TSPAN8: variants seen among roughly 807,000 people sequenced by gnomAD.
TSPAN8 encodes tetraspanin-8.
In TSPAN8, 21 loss-of-function variants were observed where a neutral mutation model predicts 32.8. The ratio of observed to expected loss-of-function variants is 0.64; its 90% confidence interval spans 0.45 to 0.92. The LOEUF (loss-of-function observed/expected upper bound fraction) is 0.92. TSPAN8 is among the 40% of genes least tolerant of loss of function. TSPAN8 has a pLI of 0.00. For missense variants in TSPAN8, 269 were observed against 281.9 expected, an observed-to-expected ratio of 0.95 and a Z score of 0.33; for synonymous variants, 95 against 94.6, an observed-to-expected ratio of 1.00 and a Z score of -0.03.
chr12:71,135,800 G>A (rs1871678173), intron 6 of TSPAN8, among the ~76,000 whole-genome samples: 1 of 152,082 alleles, frequency 6.6e-6, no homozygotes, highest in African/African-American at 2.4e-5. Context: ...TTTGTCCTAG[G>A]TCATCACCCT....
Position 71,142,848 on chromosome 12 carries a change from A to AAAC in TSPAN8, c.123+1302_123+1303insGTT, listed in dbSNP as rs569009369. 4.6e-3 allele frequency among the ~76,000 whole-genome samples: 108 copies of AAAC among 23,330 alleles called. 1 individual carries two copies. Among genetic ancestry groups the AAAC allele is most frequent in the South Asian group, 0.028 (22 of 792 alleles). The allele number at this position is 23,330 out of a possible 152,430, so 15.3% of individuals were successfully genotyped here. A position where few individuals can be genotyped will look rare whatever the true frequency, so the allele number is the denominator to read the frequency against. On this transcript the variant is annotated intron_variant, in intron 3 of 8. Transcript: ENST00000247829. The stretch of plus-strand genomic sequence containing the variant: ...CAGGAGAGAGAGAGAGGAAAAAAAC[A>AAAC]AAAAAAAAAAAAACAGAGATAGAGT...
intron 2 of TSPAN8, among the ~76,000 whole-genome samples, chr12:71,147,531 GAT>G (rs1344388666): frequency 6.6e-6 from 1 of 152,132 alleles, no homozygotes; most frequent in Non-Finnish European, 1.5e-5. Flanking sequence ...TTGTTTTTAT[GAT>G]AAACACAGAA....
intron 6 of TSPAN8, among the ~76,000 whole-genome samples, chr12:71,133,374 G>A (rs533521519): frequency 6.6e-5 from 10 of 152,146 alleles, no homozygotes; most frequent in Non-Finnish European, 1.0e-4. Context: ...CATAAGCCAC[G>A]GTGCCCAGCC....
At chr12:71,145,946 A>G (rs1872063238) in intron 2 of TSPAN8, among the ~76,000 whole-genome samples, 1 of 152,176 alleles carries the variant, frequency 6.6e-6, no homozygotes, top group Admixed American at 6.5e-5. Flanking sequence ...AGAGCTTAGT[A>G]AGAACTCAGT....
chr12:71,132,531 C>A (rs113797317), intron 7 of TSPAN8, among the ~76,000 whole-genome samples, 162 bp downstream of exon 7: 1,786 of 152,146 alleles, frequency 0.012, 27 homozygotes, highest in African/African-American at 0.041. Flanking sequence ...AGTCTATCTG[C>A]TTTTATCTTT....
rs144869702 is a variant in TSPAN8, at chr12:71,137,213, A to G, written c.444+740T>C. Among the ~76,000 whole-genome samples the G allele has an allele frequency of 6.4e-3, 968 of 152,282 alleles. 12 individuals are homozygous for G. The highest frequency in any genetic ancestry group is 0.022 in the African/African-American group (900 of 41,536). ...GAAGATCTCTTGAGCCCTGGTGGTC[A>G]AAATTGCAGTGAGCTATGATTATAC... is the stretch of plus-strand genomic sequence containing the variant. On this transcript the variant is annotated intron_variant, in intron 6 of 8. Coordinates refer to ENST00000247829, the MANE Select transcript of TSPAN8 (RefSeq NM_004616.3).
chr12:71,131,087 T>G (rs1003039455), intron 7 of TSPAN8, among the ~76,000 whole-genome samples: 4 of 152,186 alleles, frequency 2.6e-5, no homozygotes, highest in Non-Finnish European at 4.4e-5. Context: ...TCAGTTGAAT[T>G]TGAACAGGAG....
In TSPAN8 at chr12:71,125,260, C is replaced by A; in HGVS notation, c.*74G>T. 1 of 1,332,432 alleles carries A rather than the reference C, an allele frequency of 7.5e-7. No individual in the cohort carries two copies. 82.5% of individuals were successfully genotyped at this position (1,332,432 alleles called of 1,614,324 possible). ...CTGCTCCTGACTTATATAGCACTTA[C>A]ATATTTAAATTTACAAAGCCAAAGC... On this transcript the variant is annotated 3_prime_UTR_variant, in exon 9 of 9. Transcript: ENST00000247829.
At chr12:71,156,261 AAAAAAAACAAAC>A (rs773083453) in intron 2 of TSPAN8, among the ~76,000 whole-genome samples, 30,077 of 116,078 alleles carry the variant, frequency 0.26, 5,009 homozygotes, top group Non-Finnish European at 0.34. Context: ...AAAAAAAAAA[AAAAAAAACAAAC>A]AAAAAAAAAA....
intron 6 of TSPAN8, among the ~76,000 whole-genome samples, chr12:71,134,171 T>C (rs926490593): frequency 1.3e-5 from 2 of 152,166 alleles, no homozygotes; most frequent in Non-Finnish European, 2.9e-5. Flanking sequence ...AAGATAAACA[T>C]AAGAAAATCC....
chr12:71,152,507 C>G (rs1872288957), intron 2 of TSPAN8, among the ~76,000 whole-genome samples: 1 of 152,030 alleles, frequency 6.6e-6, no homozygotes, highest in Non-Finnish European at 1.5e-5. Flanking sequence ...TAATCATCAC[C>G]ACAAACCCAT....
intron 2 of TSPAN8, among the ~76,000 whole-genome samples, chr12:71,145,886 T>C (rs1872061171): frequency 6.6e-6 from 1 of 152,196 alleles, no homozygotes; most frequent in Admixed American, 6.5e-5. Flanking sequence ...TAGCATTCTT[T>C]CCTGATATTT....
At chr12:71,133,103 G>C (rs1871572473) in intron 6 of TSPAN8, among the ~76,000 whole-genome samples, 1 of 151,910 alleles carries the variant, frequency 6.6e-6, no homozygotes, top group African/African-American at 2.4e-5. Context: ...TTATTTTTTT[G>C]AGATGGAGTC....
intron 6 of TSPAN8, among the ~76,000 whole-genome samples, chr12:71,136,108 C>G (rs1421215516): frequency 1.3e-5 from 2 of 151,702 alleles, no homozygotes; most frequent in Non-Finnish European, 1.5e-5. Flanking sequence ...AAAAAAGTCA[C>G]CTGATAAAAA....
chr12:71,156,260 AAAAAAAAACAAAC>A (rs541011545), intron 2 of TSPAN8, among the ~76,000 whole-genome samples: 8,073 of 112,902 alleles, frequency 0.072, 804 homozygotes, highest in African/African-American at 0.12. Context: ...CAAAAAAAAA[AAAAAAAAACAAAC>A]AAAAAAAAAA....
intron 2 of TSPAN8, among the ~76,000 whole-genome samples, chr12:71,156,269 C>CCA (rs1555196561): frequency 9.2e-5 from 3 of 32,524 alleles, no homozygotes; most frequent in African/African-American, 3.8e-4. Flanking sequence ...AAAAAAAAAA[C>CCA]AAACAAAAAA....
intron 2 of TSPAN8, among the ~76,000 whole-genome samples, chr12:71,153,191 T>C (rs1872313639): frequency 1.3e-5 from 2 of 152,200 alleles, no homozygotes; most frequent in African/African-American, 2.4e-5. Flanking sequence ...GCATCTACGA[T>C]ATTCCTAGGC....
At chr12:71,130,044 C>A (rs1386617461) in intron 7 of TSPAN8, among the ~76,000 whole-genome samples, 1 of 151,114 alleles carries the variant, frequency 6.6e-6, no homozygotes, top group African/African-American at 2.4e-5. Flanking sequence ...CCTTGACTTC[C>A]TGGGCTCAAG....
At chr12:71,132,571 T>A in intron 7 of TSPAN8, 122 bp downstream of exon 7, 2 of 1,206,752 alleles carry the variant, frequency 1.7e-6, no homozygotes, top group Non-Finnish European at 2.3e-6. Context: ...TTGGGAAATT[T>A]CTGAGATTTT....
Sources: allele counts gnomAD v4.1 joint callset (sites outside exome capture counted in the v4.1 genomes callset), GRCh38; gene constraint gnomAD v4.1.1; transcripts MANE v1.5; gene names NCBI Gene and HGNC (gene_info 2026-07-23, HGNC 2026-07-21).